The following IL16 variants were observed in gnomAD, a reference collection of about 807,000 sequenced individuals.
IL16 encodes interleukin 16.
Under a neutral mutation model 110.1 loss-of-function variants are expected in IL16, and 67 were observed. The observed-to-expected ratio is 0.61, with a 90% CI of 0.50 to 0.75. IL16 has a LOEUF of 0.75. Among genes scored for constraint, IL16 ranks in the 30% least tolerant of loss-of-function variants. The pLI is 0.00. For synonymous variants in IL16, 689 were observed against 662.9 expected (o/e 1.04, Z -0.61); for missense variants, 1,545 against 1,655.0 (o/e 0.93, Z 1.15).
chr15:81,300,506 C>A lies in IL16; in HGVS notation c.3149+31C>A, dbSNP rs114719112. 5,757 of 1,390,564 alleles carry A rather than the reference C, an allele frequency of 4.1e-3. 77 individuals carry two copies. Among genetic ancestry groups the A allele is most frequent in the African/African-American group, 0.041 (2,794 of 68,436 alleles). The allele number at this position is 1,390,564 out of a possible 1,614,324, so 86.1% of individuals were successfully genotyped here. On this transcript the variant is annotated intron_variant, in intron 14 of 18. Coordinates refer to ENST00000683961, the MANE Select transcript of IL16 (RefSeq NM_172217.5). ...TTTCTACACCCGGTGTTTCTCTTTA[C>A]CTTTCTCATCTTTTTCTTTCTCATC...
chr15:81,249,690 G>C (rs889415694), intron 2 of IL16, among the ~76,000 whole-genome samples: 1 of 151,866 alleles, frequency 6.6e-6, no homozygotes, highest in African/African-American at 2.4e-5. Context: ...ATCTTATTTG[G>C]GATTTGTTGG....
rs370711144 is a variant in IL16 at position 81,225,649 on chromosome 15, G to T, written c.250G>T (p.Ala84Ser). ...TGATCTAGCACTGGCCTCGGAGGCT[G>T]CTCAACTCCAAGCAGCTGGGAATGA... ...VPDLALASEA[A>S]QLQAAGNDRG... Residue 84 changes from alanine to serine, a missense_variant, in exon 2 of 19, where the codon GCT becomes TCT. Coordinates refer to ENST00000683961, the MANE Select transcript of IL16 (RefSeq NM_172217.5). The T allele has an allele frequency of 2.1e-4, 341 of 1,614,060 alleles. 1 individual carries two copies. Among genetic ancestry groups the T allele is most frequent in the South Asian group, 1.7e-3 (154 of 91,066 alleles).
chr15:81,279,468 A>G (rs1372780237), intron 7 of IL16, 90 bp from the exon 8 acceptor site: 1 of 813,892 alleles, frequency 1.2e-6, no homozygotes, highest in Non-Finnish European at 2.0e-6. Context: ...ATACACATAC[A>G]CACACACAGA....
rs149894902 is a variant in IL16, at chr15:81,288,829, A to ATGTGTGTGTGTGTG, written c.1333-1617_1333-1604dup. Among the ~76,000 whole-genome samples the ATGTGTGTGTGTGTG allele has an allele frequency of 1.3e-4, 18 of 140,970 alleles. No homozygotes were observed. In the South Asian group the frequency reaches 2.1e-3, roughly 16 times the overall value. 92.5% of individuals were successfully genotyped at this position (140,970 alleles called of 152,430 possible). A position where few individuals can be genotyped will look rare whatever the true frequency, so the allele number is the denominator to read the frequency against. ...GGTCGAATAATCTTCTAGTATGTGT[A>ATGTGTGTGTGTGTG]TGTGTGTGTGTGTGTGTGTGCGTGT... On this transcript the variant is annotated intron_variant, in intron 10 of 18. Transcript: ENST00000683961.
chr15:81,285,664 A>G (rs2142325389), intron 9 of IL16, 34 bp from the exon 10 acceptor site: 1 of 1,611,478 alleles, frequency 6.2e-7, no homozygotes, highest in Non-Finnish European at 8.5e-7. Context: ...TCATTGATTC[A>G]CTTACTGATG....
At chr15:81,278,716 T>A in intron 6 of IL16, 101 bp from the exon 7 acceptor site, 2 of 820,196 alleles carry the variant, frequency 2.4e-6, no homozygotes, top group South Asian at 1.4e-5. Context: ...TCGTGCATCA[T>A]ACAAAAAGCC....
chr15:81,297,383 T>A (rs1900041689), intron 13 of IL16, among the ~76,000 whole-genome samples: 2 of 152,216 alleles, frequency 1.3e-5, no homozygotes, highest in African/African-American at 2.4e-5. Context: ...CACCCAGCCA[T>A]CCTGGGCAGC....
At chr15:81,252,536 T>C in intron 2 of IL16, among the ~76,000 whole-genome samples, 1 of 152,152 alleles carries the variant, frequency 6.6e-6, no homozygotes, top group East Asian at 1.9e-4. Flanking sequence ...TTAAATGGTT[T>C]TTAGTATATT....
intron 5 of IL16, among the ~76,000 whole-genome samples, chr15:81,270,216 G>A (rs1289164157): frequency 6.6e-6 from 1 of 152,164 alleles, no homozygotes; most frequent in Non-Finnish European, 1.5e-5. Flanking sequence ...ATAGCCAAAG[G>A]GGATACAAAA....
chr15:81,280,878 C>T (rs941175479), intron 8 of IL16, among the ~76,000 whole-genome samples: 1 of 152,172 alleles, frequency 6.6e-6, no homozygotes, highest in African/African-American at 2.4e-5. Context: ...GCTGAGCAGG[C>T]ATAAAATGGG....
chr15:81,237,040 C>T (rs903573951), intron 2 of IL16, among the ~76,000 whole-genome samples: 2 of 152,312 alleles, frequency 1.3e-5, no homozygotes, highest in Admixed American at 6.5e-5. Context: ...TTCATTTGTA[C>T]ATTACAACCC....
intron 1 of IL16, among the ~76,000 whole-genome samples, chr15:81,187,175 T>C (rs1320863416): frequency 6.6e-5 from 10 of 152,202 alleles, no homozygotes; most frequent in Non-Finnish European, 1.5e-5. Context: ...ACTTTCAATA[T>C]TTGTTTACTG....
In IL16 at chr15:81,300,405, T is replaced by A. The variant is rs34101586; in HGVS notation, c.3079T>A (p.Ser1027Thr). The change falls in exon 14 of 19, where the codon TCA (serine) becomes ACA (threonine). Residue 1027 changes from serine (S) to threonine (T), a missense_variant. Coordinates refer to ENST00000683961, the MANE Select transcript of IL16 (RefSeq NM_172217.5). ...IPKEGASPTS[S>T]SNEDSAANGS... ...CAAGGAAGGGGCATCTCCAACATCA[T>A]CATCCAACGAAGACTCAGCTGCAAA... The A allele has an allele frequency of 5.3e-3, 8,590 of 1,614,148 alleles. 403 individuals are homozygous for A. In the African/African-American group the frequency reaches 0.1, roughly 19 times the overall value.
At chr15:81,245,724 CT>C (rs1009292228) in intron 2 of IL16, among the ~76,000 whole-genome samples, 237 of 61,268 alleles carry the variant, frequency 3.9e-3, no homozygotes, top group Non-Finnish European at 5.4e-3. Flanking sequence ...TTTGTTTTGG[CT>C]TTTTTTTTTT....
At chr15:81,238,371 A>G (rs1438364423) in intron 2 of IL16, among the ~76,000 whole-genome samples, 2 of 152,102 alleles carry the variant, frequency 1.3e-5, no homozygotes, top group African/African-American at 4.8e-5. Context: ...GAACATTTTA[A>G]AGAGTTCCAC....
chr15:81,187,718 G>A (rs1895438623), intron 1 of IL16, among the ~76,000 whole-genome samples: 1 of 152,218 alleles, frequency 6.6e-6, no homozygotes, highest in Non-Finnish European at 1.5e-5. Context: ...ATTAAATAAA[G>A]TATGGCACCT....
rs1899036958 is a variant in IL16 at position 81,278,890 on chromosome 15, G to A, written c.864G>A (p.Lys288=). Residue 288 remains lysine (K), a splice_region_variant and synonymous_variant, in exon 7 of 19, where the codon AAG becomes AAA. Transcript: ENST00000683961. ...LTHQDALQKF[K]QAKKGLLTLT... is the part of the protein sequence containing the mutation. Reference sequence around the variant, plus strand: ...ATCAGGATGCTTTGCAGAAGTTCAAGGTGACCATTTCTTATCAACACGTGA... The same window carrying A: ...ATCAGGATGCTTTGCAGAAGTTCAAAGTGACCATTTCTTATCAACACGTGA... The A allele has an allele frequency of 6.2e-7, 1 of 1,608,554 alleles. No individual in the cohort carries two copies. Among genetic ancestry groups the A allele is most frequent in the African/African-American group, 1.3e-5 (1 of 74,916 alleles).
intron 1 of IL16, among the ~76,000 whole-genome samples, chr15:81,208,784 C>T (rs1351435623): frequency 6.6e-6 from 1 of 152,138 alleles, no homozygotes; most frequent in Non-Finnish European, 1.5e-5. Flanking sequence ...CAATATGGCA[C>T]AGGGGTTAGG....
chr15:81,247,405 T>G (rs1897603431), intron 2 of IL16, among the ~76,000 whole-genome samples: 1 of 152,210 alleles, frequency 6.6e-6, no homozygotes. Flanking sequence ...TCCAGTATGA[T>G]TTCTTCTTTG....
Sources: gnomAD v4.1 joint callset for allele counts (sites outside exome capture counted in the v4.1 genomes callset) on GRCh38, gnomAD v4.1.1 for gene constraint, MANE v1.5 for transcripts, NCBI Gene and HGNC (gene_info 2026-07-23, HGNC 2026-07-21) for gene names.